Variants in TDRD7 observed in about 807,000 individuals in gnomAD.
The protein encoded by TDRD7 is tudor domain-containing protein 7.
A neutral mutation model predicts 109.8 loss-of-function variants in TDRD7; 47 were observed. That is an observed-to-expected ratio of 0.43 (90% CI 0.34 to 0.55). TDRD7 has a LOEUF of 0.55. TDRD7 is among the 20% of genes least tolerant of loss of function. The pLI, the probability that TDRD7 is intolerant of heterozygous loss-of-function variation, is 0.03. For synonymous variants in TDRD7, 424 were observed against 457.3 expected, an observed-to-expected ratio of 0.93 and a Z score of 0.93; for missense variants, 1,164 against 1,319.2, an observed-to-expected ratio of 0.88 and a Z score of 1.82.
intron 15 of TDRD7, among the ~76,000 whole-genome samples, chr9:97,483,732 C>T (rs1269757060): frequency 6.6e-6 from 1 of 151,498 alleles, no homozygotes; most frequent in African/African-American, 2.4e-5. Flanking sequence ...ATCAACCACC[C>T]ACACATAACA....
chr9:97,468,588 G>C (rs1253325964), intron 8 of TDRD7, among the ~76,000 whole-genome samples: 2 of 152,188 alleles, frequency 1.3e-5, no homozygotes, highest in Admixed American at 6.5e-5. Context: ...CACCAGTCTT[G>C]CTTCGCTTGA....
At position 97,464,857 on chromosome 9, in the gene TDRD7, C is replaced by CTA. The variant is rs1374571035; in HGVS notation, c.1460_1461dup (p.Ser488IlefsTer7). 1 of 1,614,010 alleles carries CTA rather than the reference C, an allele frequency of 6.2e-7. No homozygotes were observed. Among genetic ancestry groups the CTA allele is most frequent in the Non-Finnish European group, 8.5e-7 (1 of 1,180,010 alleles). ...ACTGATTCAGGTATGTGGGCAAAGA[C>CTA]TATTCTGCTGCTCAGGAATTAATGG... is the stretch of plus-strand genomic sequence containing the variant. On this transcript the variant is annotated frameshift_variant, in exon 8 of 17. Coordinates refer to ENST00000355295, the MANE Select transcript of TDRD7 (RefSeq NM_014290.3). LOFTEE classifies it high-confidence loss of function.
chr9:97,435,208 T>C (rs894120170), intron 4 of TDRD7, among the ~76,000 whole-genome samples: 1 of 145,696 alleles, frequency 6.9e-6, no homozygotes, highest in Admixed American at 7.0e-5. Context: ...ATTGCCAATA[T>C]TCTGGTTTTG....
intron 15 of TDRD7, among the ~76,000 whole-genome samples, chr9:97,485,186 C>G (rs769071129): frequency 6.6e-6 from 1 of 152,174 alleles, no homozygotes; most frequent in Non-Finnish European, 1.5e-5. Flanking sequence ...ATTTTTATTA[C>G]AGCGGTTTCC....
intron 15 of TDRD7, among the ~76,000 whole-genome samples, 153 bp downstream of exon 15, chr9:97,483,504 T>C (rs115113059): frequency 4.9e-4 from 75 of 152,350 alleles, no homozygotes; most frequent in African/African-American, 1.7e-3. Context: ...TTCTAGTATT[T>C]AAAATGATGT....
chr9:97,475,197 T>C (rs1329774635), intron 11 of TDRD7, among the ~76,000 whole-genome samples, 186 bp from the exon 12 acceptor site: 2 of 152,210 alleles, frequency 1.3e-5, no homozygotes, highest in African/African-American at 4.8e-5. Flanking sequence ...AAACTACTGA[T>C]GTCAACAAAT....
intron 13 of TDRD7, chr9:97,480,610 G>C (rs1021382391): frequency 4.8e-5 from 26 of 545,520 alleles, no homozygotes; most frequent in South Asian, 4.7e-4. Context: ...CTGGGGGTAA[G>C]CCCTGGCTCA....
intron 9 of TDRD7, among the ~76,000 whole-genome samples, chr9:97,471,277 C>CG (rs1330582546): frequency 2.0e-5 from 3 of 151,964 alleles, no homozygotes; most frequent in Non-Finnish European, 4.4e-5. Flanking sequence ...TGCACCATGC[C>CG]GGGGGGGACT....
chr9:97,443,954 A>G (rs1256721713), intron 6 of TDRD7, among the ~76,000 whole-genome samples: 2 of 152,168 alleles, frequency 1.3e-5, no homozygotes, highest in African/African-American at 4.8e-5. Context: ...TGATAATACT[A>G]ATATTTGTGT....
intron 6 of TDRD7, among the ~76,000 whole-genome samples, chr9:97,445,499 A>G (rs1009798888): frequency 2.6e-5 from 4 of 152,200 alleles, no homozygotes; most frequent in African/African-American, 9.7e-5. Context: ...GAGACTCTAC[A>G]TAGTCTGATG....
intron 5 of TDRD7, 75 bp downstream of exon 5, chr9:97,439,393 C>A: frequency 8.4e-7 from 1 of 1,196,346 alleles, no homozygotes; most frequent in Non-Finnish European, 1.2e-6. Context: ...TGGCTTTTGA[C>A]ATTTGCTCTC....
chr9:97,476,750 G>A (rs933539677), intron 12 of TDRD7, among the ~76,000 whole-genome samples: 1 of 151,584 alleles, frequency 6.6e-6, no homozygotes. Context: ...ATATTTTGGG[G>A]GAAAAGTATG....
At position 97,465,035 on chromosome 9, in the gene TDRD7, A is replaced by G. The variant is rs151288166; in HGVS notation, c.1629+7A>G. 1.7e-3 allele frequency: 2,808 copies of G among 1,612,878 alleles called. 53 individuals are homozygous for G. In the South Asian group the frequency reaches 0.02, roughly 11 times the overall value. On this transcript the variant is annotated splice_region_variant and intron_variant, in intron 8 of 16. Coordinates refer to ENST00000355295, the MANE Select transcript of TDRD7 (RefSeq NM_014290.3). ...AGAAGAGAACAAAATAAAGGCAAGC[A>G]CTGTTTACTTTGTCATAGCATTATG... is the stretch of plus-strand genomic sequence containing the variant.
chr9:97,420,289 C>T (rs1237648860), intron 1 of TDRD7, among the ~76,000 whole-genome samples: 1 of 143,812 alleles, frequency 7.0e-6, no homozygotes, highest in East Asian at 2.1e-4. Flanking sequence ...TGGTAGTTGC[C>T]AGGAGCCAGG....
Position 97,449,111 on chromosome 9 carries a change from C to T in TDRD7, c.855+7236C>T, listed in dbSNP as rs147479969. 1.8e-3 allele frequency among the ~76,000 whole-genome samples: 277 copies of T among 152,298 alleles called. 2 individuals carry two copies. Among genetic ancestry groups the T allele is most frequent in the Admixed American group, 4.5e-3 (69 of 15,302 alleles). The stretch of plus-strand genomic sequence containing the variant: ...ACTTCTATTTGTCTGAACAAACAGA[C>T]TCCTGAAGAAATTCATATTTTAAGT... On this transcript the variant is annotated intron_variant, in intron 6 of 16. Transcript: ENST00000355295.
At chr9:97,421,986 G>T (rs1266072209) in intron 1 of TDRD7, among the ~76,000 whole-genome samples, 1 of 151,998 alleles carries the variant, frequency 6.6e-6, no homozygotes, top group African/African-American at 2.4e-5. Flanking sequence ...TATTTATTTT[G>T]AGTTAATTTT....
intron 1 of TDRD7, among the ~76,000 whole-genome samples, chr9:97,426,521 A>G (rs1827996880): frequency 6.6e-6 from 1 of 152,206 alleles, no homozygotes; most frequent in Admixed American, 6.5e-5. Context: ...CCAAAGCATT[A>G]GGACTGCAGG....
intron 16 of TDRD7, among the ~76,000 whole-genome samples, chr9:97,489,953 AT>A (rs1829272874): frequency 6.6e-6 from 1 of 152,042 alleles, no homozygotes; most frequent in Non-Finnish European, 1.5e-5. Context: ...AATAATGTTA[AT>A]TCCTTCCTCC....
At chr9:97,448,318 A>G (rs1201653042) in intron 6 of TDRD7, among the ~76,000 whole-genome samples, 2 of 152,244 alleles carry the variant, frequency 1.3e-5, no homozygotes, top group East Asian at 3.9e-4. Flanking sequence ...AGGGTACACC[A>G]CACCGGCTGC....
Sources: gnomAD v4.1 joint callset for allele counts (sites outside exome capture counted in the v4.1 genomes callset) on GRCh38, gnomAD v4.1.1 for gene constraint, MANE v1.5 for transcripts, NCBI Gene and HGNC (gene_info 2026-07-23, HGNC 2026-07-21) for gene names.